The following NMI variants were observed in gnomAD, a reference collection of about 807,000 sequenced individuals.
The protein encoded by NMI is N-myc and STAT interactor, also known as N-myc-interactor.
NMI carries 39 observed loss-of-function variants against 34.3 expected under a neutral mutation model. The observed-to-expected ratio is 1.14, with a 90% CI of 0.88 to 1.49. The LOEUF (loss-of-function observed/expected upper bound fraction) is 1.49. NMI is among the 40% of genes most tolerant of loss of function. NMI has a pLI of 0.00. For synonymous variants in NMI, 113 were observed against 120.3 expected, an observed-to-expected ratio of 0.94 and a Z score of 0.40; for missense variants, 339 against 358.1, an observed-to-expected ratio of 0.95 and a Z score of 0.43.
At chr2:151,281,860 TA>T in intron 3 of NMI, 87 bp downstream of exon 3, 2 of 730,424 alleles carry the variant, frequency 2.7e-6, no homozygotes, top group South Asian at 3.2e-5. Context: ...GATAAGGTTT[TA>T]AAAATGAATT....
rs1683584656 is a variant in NMI at position 151,289,613 on chromosome 2, CA to C, written c.-28del. 6.6e-6 allele frequency: 1 copy of C among 152,304 alleles called. No homozygotes were observed. The highest frequency in any genetic ancestry group is 1.5e-5 in the Non-Finnish European group (1 of 68,114). The allele number at this position is 152,304 out of a possible 1,614,324, so 9.4% of individuals were successfully genotyped here. A position where few individuals can be genotyped will look rare whatever the true frequency, so the allele number is the denominator to read the frequency against. ...CTCACCCGCGTCCGCCCGCCGAGCG[CA>C]GCTCCCCAAGGCCCAGCGCGCCTGC... On this transcript the variant is annotated 5_prime_UTR_variant, in exon 1 of 8. Transcript: ENST00000243346.
chr2:151,274,858 A>C (rs1256883885), intron 6 of NMI, among the ~76,000 whole-genome samples: 1 of 152,000 alleles, frequency 6.6e-6, no homozygotes, highest in African/African-American at 2.4e-5. Flanking sequence ...TTGTCATGAA[A>C]AAATCTAATC....
intron 2 of NMI, among the ~76,000 whole-genome samples, chr2:151,282,363 C>T (rs947018228): frequency 3.9e-5 from 6 of 152,236 alleles, no homozygotes; most frequent in Non-Finnish European, 7.3e-5. Flanking sequence ...GCTGCATCAA[C>T]TCCTTTCCTA....
chr2:151,281,527 T>C (rs1683403689), intron 3 of NMI, among the ~76,000 whole-genome samples: 1 of 152,212 alleles, frequency 6.6e-6, no homozygotes, highest in African/African-American at 2.4e-5. Context: ...AGGCAGGACA[T>C]GACAACACCC....
intron 4 of NMI, among the ~76,000 whole-genome samples, chr2:151,276,242 C>A (rs772457888): frequency 6.6e-6 from 1 of 151,996 alleles, no homozygotes; most frequent in Non-Finnish European, 1.5e-5. Flanking sequence ...TTTGTAGAGA[C>A]GAGCTCTCAC....
intron 4 of NMI, chr2:151,277,396 G>A (rs557164098): frequency 6.6e-6 from 1 of 152,278 alleles, no homozygotes; most frequent in East Asian, 1.9e-4. Context: ...GGGACCGCTT[G>A]TGTCTCAATT....
intron 6 of NMI, among the ~76,000 whole-genome samples, chr2:151,272,233 C>T (rs1039600909): frequency 6.6e-6 from 1 of 152,166 alleles, no homozygotes; most frequent in Non-Finnish European, 1.5e-5. Context: ...AAAAATTCAT[C>T]AGTTTTCTAC....
intron 6 of NMI, among the ~76,000 whole-genome samples, chr2:151,273,967 C>A (rs1157473915): frequency 6.6e-6 from 1 of 152,122 alleles, no homozygotes; most frequent in Non-Finnish European, 1.5e-5. Context: ...ATTACTGTAG[C>A]CCTCAAGACC....
At chr2:151,280,387 A>G (rs289829) in intron 3 of NMI, among the ~76,000 whole-genome samples, 90,555 of 152,004 alleles carry the variant, frequency 0.6, 27,250 homozygotes, top group Admixed American at 0.66. Flanking sequence ...TGAGTCATTC[A>G]ATTTAATCTT....
chr2:151,287,844 T>C (rs1376992981), intron 1 of NMI, among the ~76,000 whole-genome samples: 1 of 151,202 alleles, frequency 6.6e-6, no homozygotes, highest in Non-Finnish European at 1.5e-5. Flanking sequence ...ATGTGGTATC[T>C]TGACTTAAGT....
At chr2:151,273,115 TAAAA>T (rs79100114) in intron 6 of NMI, among the ~76,000 whole-genome samples, 1 of 146,074 alleles carries the variant, frequency 6.8e-6, no homozygotes. Context: ...TTATCACAGT[TAAAA>T]AAAAAAAAAA....
chr2:151,274,703 C>T (rs1683258014), intron 6 of NMI, among the ~76,000 whole-genome samples: 1 of 151,414 alleles, frequency 6.6e-6, no homozygotes, highest in Non-Finnish European at 1.5e-5. Flanking sequence ...GTCTCGAACT[C>T]CTCACCTCAT....
At chr2:151,273,384 C>T (rs1377364963) in intron 6 of NMI, among the ~76,000 whole-genome samples, 1 of 152,216 alleles carries the variant, frequency 6.6e-6, no homozygotes, top group Admixed American at 6.5e-5. Context: ...CTATAACCTG[C>T]AGAAGTATTT....
At chr2:151,277,148 G>C (rs1395975741) in intron 4 of NMI, 1 of 102,250 alleles carries the variant, frequency 9.8e-6, no homozygotes, top group Admixed American at 1.1e-4. Flanking sequence ...ACCACAGCTG[G>C]AGGAAGAGAA....
In NMI at chr2:151,279,008, G is replaced by C; in HGVS notation, c.178-18C>G. The C allele has an allele frequency of 1.3e-6, 2 of 1,528,452 alleles. No homozygotes were observed. The highest frequency in any genetic ancestry group is 1.8e-6 in the Non-Finnish European group (2 of 1,114,330). The allele number at this position is 1,528,452 out of a possible 1,614,324, so 94.7% of individuals were successfully genotyped here. On this transcript the variant is annotated intron_variant, in intron 3 of 7. Transcript: ENST00000243346. ...TCTTTAATCTAATCCAAATGAAAAT[G>C]TTTGATTAAAATCAAGACGAGAAAT...
intron 1 of NMI, among the ~76,000 whole-genome samples, chr2:151,288,564 A>AGTGT (rs80140260): frequency 0.012 from 1,818 of 149,580 alleles, 37 homozygotes; most frequent in African/African-American, 0.041. Flanking sequence ...TGTGTATGTG[A>AGTGT]GTGTGTGTGT....
At chr2:151,272,451 T>C (rs995394948) in intron 6 of NMI, among the ~76,000 whole-genome samples, 8 of 152,064 alleles carry the variant, frequency 5.3e-5, no homozygotes, top group African/African-American at 1.7e-4. Flanking sequence ...TATGGAGAAA[T>C]TGAAACCCTG....
intron 1 of NMI, among the ~76,000 whole-genome samples, chr2:151,287,637 C>T (rs916292563): frequency 5.3e-5 from 8 of 152,136 alleles, no homozygotes; most frequent in Non-Finnish European, 1.5e-5. Context: ...GAAGCCTTTT[C>T]TGATTCCCCC....
chr2:151,270,982 C>A, intron 7 of NMI, 107 bp from the exon 8 acceptor site: 2 of 912,786 alleles, frequency 2.2e-6, no homozygotes, highest in Non-Finnish European at 3.3e-6. Context: ...TTAGAAGAGA[C>A]AAGAAATCTT....
Sources: allele counts gnomAD v4.1 joint callset (sites outside exome capture counted in the v4.1 genomes callset), GRCh38; gene constraint gnomAD v4.1.1; transcripts MANE v1.5; gene names NCBI Gene and HGNC (gene_info 2026-07-23, HGNC 2026-07-21).